WWOX: variants seen among roughly 807,000 people sequenced by gnomAD.
WWOX encodes the protein WW domain-containing oxidoreductase.
In WWOX, 69 loss-of-function variants were observed where a neutral mutation model predicts 46.2. That is an observed-to-expected ratio of 1.49 (90% CI 1.23 to 1.82). The LOEUF is 1.82. Among genes scored for constraint, WWOX ranks in the 40% most tolerant of loss-of-function variants. The pLI is 0.00. For missense variants in WWOX, 919 were observed against 542.6 expected (o/e 1.69, Z -6.89); for synonymous variants, 359 against 202.6 (o/e 1.77, Z -6.56).
chr16:78,646,247 T>C (rs1245862464), intron 8 of WWOX, among the ~76,000 whole-genome samples: 1 of 152,110 alleles, frequency 6.6e-6, no homozygotes, highest in Non-Finnish European at 1.5e-5. Context: ...CTCGGACTCC[T>C]GGGCTCCATC....
chr16:78,157,589 A>C (rs1296491624), intron 4 of WWOX, among the ~76,000 whole-genome samples: 1 of 152,232 alleles, frequency 6.6e-6, no homozygotes, highest in African/African-American at 2.4e-5. Context: ...ATCTGATTTA[A>C]GTATCAGAGG....
At chr16:78,708,993 A>G (rs557892583) in intron 8 of WWOX, among the ~76,000 whole-genome samples, 1 of 152,212 alleles carries the variant, frequency 6.6e-6, no homozygotes, top group East Asian at 1.9e-4. Flanking sequence ...GAAGTGTTTT[A>G]AATTTTATCA....
intron 8 of WWOX, among the ~76,000 whole-genome samples, chr16:78,637,928 G>A (rs558486773): frequency 6.6e-6 from 1 of 152,274 alleles, no homozygotes; most frequent in East Asian, 1.9e-4. Context: ...CTTCCTCTGA[G>A]TTGGGGGAAG....
At chr16:78,434,781 A>C (rs1597080760) in intron 8 of WWOX, among the ~76,000 whole-genome samples, 1 of 152,118 alleles carries the variant, frequency 6.6e-6, no homozygotes, top group East Asian at 1.9e-4. Flanking sequence ...GGGTGATATA[A>C]CCATCCTGCC....
intron 8 of WWOX, among the ~76,000 whole-genome samples, chr16:78,508,306 C>T (rs934687535): frequency 5.0e-5 from 6 of 118,856 alleles, no homozygotes; most frequent in East Asian, 6.2e-4. Context: ...CCACTGCGCC[C>T]GGCCTTTTTT....
At chr16:78,422,838 TAC>T (rs1227773079) in intron 6 of WWOX, among the ~76,000 whole-genome samples, 20 of 96,468 alleles carry the variant, frequency 2.1e-4, no homozygotes, top group African/African-American at 6.3e-4. Context: ...TATATATATA[TAC>T]ATATACACAC....
intron 5 of WWOX, among the ~76,000 whole-genome samples, chr16:78,315,045 T>G (rs2080332342): frequency 6.6e-6 from 1 of 152,230 alleles, no homozygotes; most frequent in Non-Finnish European, 1.5e-5. Flanking sequence ...TCTGTCTCCA[T>G]CCACCATCTA....
chr16:78,588,049 G>A (rs1027861852), intron 8 of WWOX, among the ~76,000 whole-genome samples: 8 of 152,210 alleles, frequency 5.3e-5, no homozygotes, highest in Non-Finnish European at 1.2e-4. Flanking sequence ...AGCTGTATCT[G>A]CTCCCTGGGT....
intron 1 of WWOX, among the ~76,000 whole-genome samples, chr16:78,105,741 T>C (rs1034063923): frequency 6.6e-6 from 1 of 152,184 alleles, no homozygotes; most frequent in Non-Finnish European, 1.5e-5. Context: ...GGAGGCTCTT[T>C]CTATGCCAGC....
At chr16:79,198,425 A>G (rs1300783730) in intron 8 of WWOX, among the ~76,000 whole-genome samples, 2 of 152,204 alleles carry the variant, frequency 1.3e-5, no homozygotes, top group Admixed American at 6.5e-5. Flanking sequence ...CTTCATGGGT[A>G]TGGCTGCATC....
At chr16:78,120,366 C>T (rs556098146) in intron 4 of WWOX, among the ~76,000 whole-genome samples, 14 of 151,946 alleles carry the variant, frequency 9.2e-5, no homozygotes, top group South Asian at 6.2e-4. Flanking sequence ...GTCAGGAGAT[C>T]GAGACCATCC....
intron 5 of WWOX, among the ~76,000 whole-genome samples, chr16:78,255,437 G>A (rs185130439): frequency 1.4e-3 from 210 of 152,344 alleles, no homozygotes; most frequent in African/African-American, 4.7e-3. Flanking sequence ...AGCGTTTGCG[G>A]TTACTTCTCT....
intron 8 of WWOX, among the ~76,000 whole-genome samples, chr16:78,930,413 G>T (rs1432173307): frequency 6.0e-5 from 9 of 149,246 alleles, no homozygotes; most frequent in Admixed American, 6.7e-5. Flanking sequence ...GAGTAGCTGG[G>T]ACTACAGGTG....
chr16:78,947,576 G>C (rs1441035193), intron 8 of WWOX, among the ~76,000 whole-genome samples: 2 of 152,336 alleles, frequency 1.3e-5, no homozygotes, highest in South Asian at 4.1e-4. Context: ...GATTTTCAGG[G>C]ATGGCCCTTG....
intron 1 of WWOX, among the ~76,000 whole-genome samples, chr16:78,105,739 T>A (rs1002545703): frequency 2.6e-5 from 4 of 152,184 alleles, no homozygotes; most frequent in Non-Finnish European, 5.9e-5. Context: ...TGGGAGGCTC[T>A]TTCTATGCCA....
chr16:78,820,878 G>C (rs1351967962), intron 8 of WWOX, among the ~76,000 whole-genome samples: 1 of 152,024 alleles, frequency 6.6e-6, no homozygotes, highest in Admixed American at 6.6e-5. Context: ...GATGTCCCTT[G>C]GCTTGGAAAC....
intron 8 of WWOX, among the ~76,000 whole-genome samples, chr16:78,723,987 C>A (rs529870649): frequency 1.3e-5 from 2 of 152,300 alleles, no homozygotes; most frequent in Non-Finnish European, 2.9e-5. Context: ...ATGGTACCCT[C>A]TGATTCAGGC....
intron 8 of WWOX, among the ~76,000 whole-genome samples, chr16:78,958,004 A>G (rs2046202871): frequency 6.6e-6 from 1 of 152,034 alleles, no homozygotes; most frequent in African/African-American, 2.4e-5. Flanking sequence ...GCGTTTCTAC[A>G]TTTTCCCAAG....
At chr16:78,388,624 C>A (rs1293657219) in intron 6 of WWOX, among the ~76,000 whole-genome samples, 2 of 117,020 alleles carry the variant, frequency 1.7e-5, no homozygotes, top group Non-Finnish European at 3.3e-5. Flanking sequence ...TCCAGCCTGG[C>A]GACAGATTGA....
Sources: gnomAD v4.1 joint callset for allele counts (sites outside exome capture counted in the v4.1 genomes callset) on GRCh38, gnomAD v4.1.1 for gene constraint, MANE v1.5 for transcripts, NCBI Gene and HGNC (gene_info 2026-07-23, HGNC 2026-07-21) for gene names.